GLS: variants seen among roughly 807,000 people sequenced by gnomAD.
GLS encodes the protein glutaminase.
A neutral mutation model predicts 86.7 loss-of-function variants in GLS; 36 were observed. The observed-to-expected ratio is 0.42, with a 90% CI of 0.32 to 0.55. GLS has a LOEUF of 0.55. Among genes scored for constraint, GLS ranks in the 20% least tolerant of loss-of-function variants. GLS has a pLI of 0.17. For missense variants in GLS, 528 were observed against 833.4 expected (o/e 0.63, Z 4.51); for synonymous variants, 317 against 305.9 (o/e 1.04, Z -0.38).
chr2:190,884,221 C>T (rs756968487), intron 1 of GLS, among the ~76,000 whole-genome samples: 1 of 152,178 alleles, frequency 6.6e-6, no homozygotes, highest in Non-Finnish European at 1.5e-5. Context: ...ACTTGTCTGC[C>T]TTCTCAACAG....
chr2:190,921,019 T>C lies in GLS; in HGVS notation c.1039-5T>C. On this transcript the variant is annotated splice_region_variant and splice_polypyrimidine_tract_variant and intron_variant, in intron 7 of 17. Coordinates refer to ENST00000320717, the MANE Select transcript of GLS (RefSeq NM_014905.5). This position sits in a 1 kb window ranked among gnomAD's most constrained non-coding sequence, Gnocchi z 4.2. ...AACGTATTTATGTCTCTTATTTTTTTGCAGCAAGGAGTAAATAATGCTGAA... is the reference window on the plus strand; with the variant it reads ...AACGTATTTATGTCTCTTATTTTTTCGCAGCAAGGAGTAAATAATGCTGAA... 6.7e-7 allele frequency: 1 copy of C among 1,503,358 alleles called. No homozygotes were observed. The highest frequency in any genetic ancestry group is 9.3e-7 in the Non-Finnish European group (1 of 1,081,058). The allele number at this position is 1,503,358 out of a possible 1,614,324, so 93.1% of individuals were successfully genotyped here.
Position 190,924,654 on chromosome 2 carries a change from C to T in GLS, c.1248+61C>T, listed in dbSNP as rs991222980. On this transcript the variant is annotated intron_variant, in intron 11 of 17. Coordinates refer to ENST00000320717, the MANE Select transcript of GLS (RefSeq NM_014905.5). The surrounding 1 kb of genome is among the most constrained non-coding windows in gnomAD (Gnocchi z 5.2). The stretch of plus-strand genomic sequence containing the variant: ...TGTGTCGGCTGGGCACGGTGGCTCA[C>T]GCCTGTAATCCCAGCACTTTGGGAG... The T allele has an allele frequency of 1.0e-4, 91 of 902,656 alleles. No homozygotes were observed. In the African/African-American group the frequency reaches 1.2e-3, roughly 12 times the overall value. 55.9% of individuals were successfully genotyped at this position (902,656 alleles called of 1,614,324 possible).
At chr2:190,928,892 GTTT>G (rs367999647) in intron 12 of GLS, among the ~76,000 whole-genome samples, 37 of 12,816 alleles carry the variant, frequency 2.9e-3, no homozygotes, top group African/African-American at 9.7e-3. Context: ...ATTCAGGTGT[GTTT>G]TTTTTTTTTT....
chr2:190,936,012 C>G (rs1310912378), intron 14 of GLS, among the ~76,000 whole-genome samples: 3 of 151,058 alleles, frequency 2.0e-5, no homozygotes, highest in Non-Finnish European at 4.5e-5. Context: ...AGTTTTAAAA[C>G]TATTTGAAAG....
Position 190,953,150 on chromosome 2 carries a change from A to G in GLS, c.1651-415A>G, listed in dbSNP as rs1690762934. ...ATTGGTGAGGATAGTGATTCTTGGCAGGGATTAGACATTTATATAGCATGA... is the reference window on the plus strand; with the variant it reads ...ATTGGTGAGGATAGTGATTCTTGGCGGGGATTAGACATTTATATAGCATGA... On this transcript the variant is annotated intron_variant, in intron 14 of 17. Transcript: ENST00000320717. This position sits in a 1 kb window ranked among gnomAD's most constrained non-coding sequence, Gnocchi z 4.0. Among the ~76,000 whole-genome samples the G allele has an allele frequency of 6.6e-6, 1 of 152,246 alleles. No homozygotes were observed. Among genetic ancestry groups the G allele is most frequent in the African/African-American group, 2.4e-5 (1 of 41,454 alleles).
intron 14 of GLS, among the ~76,000 whole-genome samples, chr2:190,940,821 C>A (rs1690405387): frequency 6.6e-6 from 1 of 151,516 alleles, no homozygotes; most frequent in Admixed American, 6.6e-5. Context: ...TGGTACCCAA[C>A]CAATATCCAA....
At chr2:190,886,833 T>C (rs1688397147) in intron 1 of GLS, among the ~76,000 whole-genome samples, 1 of 151,566 alleles carries the variant, frequency 6.6e-6, no homozygotes, top group Non-Finnish European at 1.5e-5. Flanking sequence ...GGAGAATCGC[T>C]TGAACCCAGG....
At chr2:190,887,508 A>G (rs555368440) in intron 1 of GLS, among the ~76,000 whole-genome samples, 1 of 152,246 alleles carries the variant, frequency 6.6e-6, no homozygotes, top group South Asian at 2.1e-4. Flanking sequence ...CAGGATTAAG[A>G]AATATATTTT....
Position 190,894,031 on chromosome 2 carries a change from A to G in GLS, c.387-1121A>G, listed in dbSNP as rs1248762008. Among the ~76,000 whole-genome samples, 4 of 152,230 alleles carry G rather than the reference A, an allele frequency of 2.6e-5. No homozygotes were observed. The East Asian group carries it at 5.8e-4, about 22-fold the overall frequency. ...ACATTCAGTATTTAAAAGTTTGGTT[A>G]ATCATAGCATTTTAGTGTTACACTA... On this transcript the variant is annotated intron_variant, in intron 1 of 17. Transcript: ENST00000320717.
In GLS at chr2:190,895,018, T is replaced by A; in HGVS notation, c.387-134T>A. 2 of 474,918 alleles carry A rather than the reference T, an allele frequency of 4.2e-6. No individual in the cohort carries two copies. The highest frequency in any genetic ancestry group is 7.8e-6 in the Non-Finnish European group (2 of 256,262). 29.4% of individuals were successfully genotyped at this position (474,918 alleles called of 1,614,324 possible). ...TGATTTGATTTTGGTAAATCAACAT[T>A]TATTATGACTGTAGTCTTGAGTATA... On this transcript the variant is annotated intron_variant, in intron 1 of 17. Transcript: ENST00000320717. The surrounding 1 kb of genome is among the most constrained non-coding windows in gnomAD (Gnocchi z 4.2).
Position 190,947,576 on chromosome 2 carries a change from TTTAATAGCTATTA to T in GLS, c.1651-5986_1651-5974del, listed in dbSNP as rs1332215361. Among the ~76,000 whole-genome samples the T allele has an allele frequency of 6.6e-6, 1 of 152,234 alleles. No homozygotes were observed. The highest frequency in any genetic ancestry group is 1.5e-5 in the Non-Finnish European group (1 of 68,038). ...ATACATTAAACATCAGAGCCCTTAATTTAATAGCTATTATTGCGGCTGTGTATAGTCTGTTTCT... is the reference window on the plus strand; with the variant it reads ...ATACATTAAACATCAGAGCCCTTAATTTGCGGCTGTGTATAGTCTGTTTCT... On this transcript the variant is annotated intron_variant, in intron 14 of 17. Coordinates refer to ENST00000320717, the MANE Select transcript of GLS (RefSeq NM_014905.5). This position sits in a 1 kb window ranked among gnomAD's most constrained non-coding sequence, Gnocchi z 5.0.
Position 190,930,344 on chromosome 2 carries a change from C to A in GLS, c.1426-93C>A. The A allele has an allele frequency of 1.1e-6, 1 of 927,280 alleles. No individual in the cohort carries two copies. Among genetic ancestry groups the A allele is most frequent in the Non-Finnish European group, 1.7e-6 (1 of 579,280 alleles). 57.4% of individuals were successfully genotyped at this position (927,280 alleles called of 1,614,324 possible). On this transcript the variant is annotated intron_variant, in intron 12 of 17. Transcript: ENST00000320717. The surrounding 1 kb of genome is among the most constrained non-coding windows in gnomAD (Gnocchi z 5.0). ...AAGTGCTGAGATTACAGGAGTGAGCCATGGTGCCCAGCCCCAGTTTCCCTA... is the reference window on the plus strand; with the variant it reads ...AAGTGCTGAGATTACAGGAGTGAGCAATGGTGCCCAGCCCCAGTTTCCCTA...
intron 11 of GLS, 156 bp from the exon 12 acceptor site, chr2:190,927,150 A>G (rs1689924127): frequency 3.1e-6 from 2 of 637,728 alleles, no homozygotes; most frequent in Admixed American, 3.6e-5. Flanking sequence ...ACTTCGGTCA[A>G]CTAAAATCTT....
At chr2:190,933,174 A>G (rs896535011) in intron 14 of GLS, 14 of 835,116 alleles carry the variant, frequency 1.7e-5, no homozygotes, top group Non-Finnish European at 1.9e-5. Flanking sequence ...CCATTTTACA[A>G]TAGTAACAGA....
At chr2:190,918,525 A>G (rs1387321912) in intron 7 of GLS, among the ~76,000 whole-genome samples, 1 of 151,882 alleles carries the variant, frequency 6.6e-6, no homozygotes, top group African/African-American at 2.4e-5. Context: ...TATCTAGACC[A>G]CACAAATTTT....
At chr2:190,883,446 G>A (rs1048538031) in intron 1 of GLS, among the ~76,000 whole-genome samples, 1 of 152,158 alleles carries the variant, frequency 6.6e-6, no homozygotes, top group Non-Finnish European at 1.5e-5. Context: ...ACTCACTCAG[G>A]ACTGTGCCAG....
Position 190,908,014 on chromosome 2 carries a change from G to A in GLS, c.980-2249G>A, listed in dbSNP as rs139610465. Among the ~76,000 whole-genome samples, 121 of 152,294 alleles carry A rather than the reference G, an allele frequency of 7.9e-4. 2 individuals carry two copies. The East Asian group carries it at 0.021, about 27-fold the overall frequency. ...GAGGATGACAGGACTGAATTGATAG[G>A]ATGAATTGTGGATGGTTGGGAAGAA... On this transcript the variant is annotated intron_variant, in intron 6 of 17. Transcript: ENST00000320717.
In GLS at chr2:190,925,417, G is replaced by A. The variant is rs145379987; in HGVS notation, c.1248+824G>A. ...CAATATTGAGGGGGTGGGGTTGAGC[G>A]AGAGGGACCGTGTTACGCACAATGG... On this transcript the variant is annotated intron_variant, in intron 11 of 17. Transcript: ENST00000320717. 3.9e-5 allele frequency among the ~76,000 whole-genome samples: 6 copies of A among 152,232 alleles called. No individual in the cohort carries two copies. In the East Asian group the frequency reaches 5.8e-4, roughly 15 times the overall value.
intron 5 of GLS, 152 bp downstream of exon 5, chr2:190,902,178 T>A: frequency 1.8e-6 from 1 of 548,042 alleles, no homozygotes. Flanking sequence ...TTTAATGTAA[T>A]TTTTAAAAAC....
Sources: gnomAD v4.1 joint callset for allele counts (sites outside exome capture counted in the v4.1 genomes callset) on GRCh38, gnomAD v4.1.1 for gene constraint, Gnocchi (gnomAD v3.1) non-coding constraint, MANE v1.5 for transcripts, NCBI Gene and HGNC (gene_info 2026-07-23, HGNC 2026-07-21) for gene names.